The following WT1 variants were observed in gnomAD, a reference collection of about 807,000 sequenced individuals.
WT1 encodes Wilms tumor protein.
A neutral mutation model predicts 60.8 loss-of-function variants in WT1; 8 were observed. That is an observed-to-expected ratio of 0.13 (90% CI 0.08 to 0.24). The LOEUF (loss-of-function observed/expected upper bound fraction) is 0.24. Ranked by LOEUF, WT1 falls within the 10% of genes least tolerant of loss-of-function variation. WT1 has a pLI of 1.00. For missense variants in WT1, 568 were observed against 711.8 expected (o/e 0.80, Z 2.30); for synonymous variants, 312 against 297.1 (o/e 1.05, Z -0.52).
At chr11:32,391,838 A>G in intron 9 of WT1, 134 bp downstream of exon 9, 2 of 854,924 alleles carry the variant, frequency 2.3e-6, no homozygotes, top group South Asian at 1.4e-5. Context: ...ATAGCCACGC[A>G]CTATTCCTTC....
At chr11:32,419,029 T>C (rs992086069) in intron 3 of WT1, among the ~76,000 whole-genome samples, 1 of 152,204 alleles carries the variant, frequency 6.6e-6, no homozygotes, top group South Asian at 2.1e-4. Context: ...GACTGGCTAT[T>C]ATGCTACTAC....
intron 1 of WT1, among the ~76,000 whole-genome samples, chr11:32,431,238 T>G (rs1243338846): frequency 1.3e-5 from 2 of 152,148 alleles, no homozygotes. Context: ...TGACTGCAGC[T>G]GCACTGTGAT....
intron 5 of WT1, among the ~76,000 whole-genome samples, chr11:32,411,221 C>G (rs142197249): frequency 6.6e-6 from 1 of 152,280 alleles, no homozygotes; most frequent in African/African-American, 2.4e-5. Flanking sequence ...CCTTTCTTCT[C>G]CAGATCTAAA....
At chr11:32,390,963 A>AT (rs149669247) in intron 9 of WT1, among the ~76,000 whole-genome samples, 18 of 145,534 alleles carry the variant, frequency 1.2e-4, no homozygotes, top group East Asian at 2.6e-4. Flanking sequence ...TGCCTACCTC[A>AT]TTTTTTTTTG....
chr11:32,430,711 C>T, intron 1 of WT1: 2 of 1,397,588 alleles, frequency 1.4e-6, no homozygotes, highest in South Asian at 3.5e-5. Flanking sequence ...GCCCGCGAGC[C>T]CTCCTAGGCC....
chr11:32,392,936 G>C lies in WT1; in HGVS notation c.1265-181C>G, dbSNP rs5030286. 7.6e-3 allele frequency among the ~76,000 whole-genome samples: 1,142 copies of C among 151,080 alleles called. 12 individuals carry two copies. The highest frequency in any genetic ancestry group is 0.026 in the African/African-American group (1,087 of 41,088). On this transcript the variant is annotated intron_variant, in intron 7 of 9. Transcript: ENST00000452863. ...AATGAATGGGAGCTCAGGGGCCAGA[G>C]GATTCTGCCCCAAGGCTCACATCTA...
chr11:32,399,192 G>A (rs186590514), intron 6 of WT1, among the ~76,000 whole-genome samples: 33 of 151,324 alleles, frequency 2.2e-4, no homozygotes, highest in African/African-American at 5.3e-4. Context: ...AAAAAAGACC[G>A]GTGATTATTG....
chr11:32,430,937 G>T, intron 1 of WT1: 1 of 930,856 alleles, frequency 1.1e-6, no homozygotes, highest in Non-Finnish European at 1.3e-6. Flanking sequence ...AGGGGCCAGG[G>T]GAGGTAAAGC....
At chr11:32,390,494 T>C (rs5030302) in intron 9 of WT1, among the ~76,000 whole-genome samples, 25,874 of 152,168 alleles carry the variant, frequency 0.17, 2,929 homozygotes, top group African/African-American at 0.32. Context: ...GATCCCATCC[T>C]GCCAACCATG....
At position 32,427,945 on chromosome 11, in the gene WT1, C is replaced by T. The variant is rs1286407878; in HGVS notation, c.887+11G>A. Reference sequence around the variant, plus strand: ...CCAAGGACCCAGACGCAGAGCCCAGCGCCTTCCTACCTGCTGTAGGGCGTC... The same window carrying T: ...CCAAGGACCCAGACGCAGAGCCCAGTGCCTTCCTACCTGCTGTAGGGCGTC... On this transcript the variant is annotated intron_variant, in intron 3 of 9. Coordinates refer to ENST00000452863, the MANE Select transcript of WT1 (RefSeq NM_024426.6). 1 of 1,605,074 alleles carries T rather than the reference C, an allele frequency of 6.2e-7. No individual in the cohort carries two copies. Among genetic ancestry groups the T allele is most frequent in the Non-Finnish European group, 8.5e-7 (1 of 1,176,292 alleles).
chr11:32,422,917 A>C (rs1217535496), intron 3 of WT1, among the ~76,000 whole-genome samples: 1 of 152,258 alleles, frequency 6.6e-6, no homozygotes, highest in Non-Finnish European at 1.5e-5. Flanking sequence ...GAATGCCTAA[A>C]AGAAACAATC....
intron 5 of WT1, among the ~76,000 whole-genome samples, chr11:32,413,277 T>C (rs1332265304): frequency 6.6e-6 from 1 of 152,250 alleles, no homozygotes; most frequent in Non-Finnish European, 1.5e-5. Flanking sequence ...ATGATTTTTC[T>C]TAACATTGAT....
intron 3 of WT1, among the ~76,000 whole-genome samples, chr11:32,424,805 T>G (rs1852972283): frequency 6.6e-6 from 1 of 152,180 alleles, no homozygotes; most frequent in South Asian, 2.1e-4. Flanking sequence ...CAAAGCACAC[T>G]CCACACTGTA....
chr11:32,429,161 G>C (rs1485925008), intron 1 of WT1: 3 of 209,176 alleles, frequency 1.4e-5, no homozygotes, highest in Non-Finnish European at 9.8e-6. Flanking sequence ...AATGTTATCT[G>C]TCTGGGGCTA....
At chr11:32,421,245 G>A (rs1044840328) in intron 3 of WT1, among the ~76,000 whole-genome samples, 9 of 152,312 alleles carry the variant, frequency 5.9e-5, no homozygotes, top group East Asian at 3.9e-4. Flanking sequence ...AGGCAGCTTC[G>A]TTCAAGGAAT....
At chr11:32,397,813 T>C (rs1852018587) in intron 6 of WT1, among the ~76,000 whole-genome samples, 1 of 152,204 alleles carries the variant, frequency 6.6e-6, no homozygotes, top group South Asian at 2.1e-4. Flanking sequence ...TTGATGTTAA[T>C]AGGCCATAGT....
At chr11:32,399,643 T>C (rs1852085873) in intron 6 of WT1, among the ~76,000 whole-genome samples, 1 of 152,214 alleles carries the variant, frequency 6.6e-6, no homozygotes, top group African/African-American at 2.4e-5. Context: ...CAAGCCCAAT[T>C]AGCTTAAATA....
chr11:32,403,480 A>C (rs541909132), intron 5 of WT1, among the ~76,000 whole-genome samples: 4 of 152,200 alleles, frequency 2.6e-5, no homozygotes, highest in African/African-American at 9.7e-5. Flanking sequence ...CTAGTTTTCA[A>C]GATAGCCCAT....
chr11:32,421,807 A>C (rs1852864203), intron 3 of WT1, among the ~76,000 whole-genome samples: 1 of 152,230 alleles, frequency 6.6e-6, no homozygotes, highest in South Asian at 2.1e-4. Context: ...TTCATCTTTA[A>C]GTCTGTTTAT....
Sources: gnomAD v4.1 joint callset for allele counts (sites outside exome capture counted in the v4.1 genomes callset) on GRCh38, gnomAD v4.1.1 for gene constraint, MANE v1.5 for transcripts, NCBI Gene and HGNC (gene_info 2026-07-23, HGNC 2026-07-21) for gene names.